Variants in DACH2 observed in about 807,000 individuals in gnomAD.
The protein encoded by DACH2 is dachshund family transcription factor 2, also known as dachshund homolog 2.
A neutral mutation model predicts 35.8 loss-of-function variants in DACH2; 17 were observed. The ratio of observed to expected loss-of-function variants is 0.48; its 90% CI spans 0.33 to 0.71. The LOEUF is 0.71. Among genes scored for constraint, DACH2 ranks in the 30% least tolerant of loss-of-function variants. The pLI is 0.02. For synonymous variants in DACH2, 195 were observed against 177.3 expected (o/e 1.10, Z -0.79); for missense variants, 469 against 472.7 (o/e 0.99, Z 0.07).
chrX:86,680,187 G>T (rs2040865190), intron 4 of DACH2, among the ~76,000 whole-genome samples: 1 of 111,646 alleles, frequency 9.0e-6, no homozygotes, highest in Admixed American at 9.6e-5. Context: ...TTTTGAAATT[G>T]AATATTGAAA....
chrX:86,473,600 C>G (rs1251839319), intron 2 of DACH2, among the ~76,000 whole-genome samples: 4 of 110,782 alleles, frequency 3.6e-5, no homozygotes, highest in African/African-American at 1.3e-4. Flanking sequence ...TTTTAGATCC[C>G]ACAAATAAGT....
At chrX:86,193,746 A>C (rs2031896493) in intron 1 of DACH2, among the ~76,000 whole-genome samples, 1 of 110,731 alleles carries the variant, frequency 9.0e-6, no homozygotes, top group South Asian at 3.7e-4. Context: ...AAAGAACAGT[A>C]ATTGCCCTTA....
chrX:86,720,376 T>C (rs1339241949), intron 6 of DACH2, among the ~76,000 whole-genome samples: 2 of 111,575 alleles, frequency 1.8e-5, no homozygotes, highest in African/African-American at 6.5e-5. Flanking sequence ...TTCCTAAATA[T>C]AATGGGGGAC....
Position 86,816,996 on chromosome X carries a change from A to G in DACH2, c.1750+897A>G, listed in dbSNP as rs1317626279. Among the ~76,000 whole-genome samples the G allele has an allele frequency of 2.7e-5, 3 of 112,080 alleles. No individual in the cohort carries two copies. The Admixed American group carries it at 2.9e-4, about 11-fold the overall frequency. ...TGATGAGTGGATCTTCATAAAGGCAACAGAACTGGATGTGACCAAAATATC... is the reference window on the plus strand; with the variant it reads ...TGATGAGTGGATCTTCATAAAGGCAGCAGAACTGGATGTGACCAAAATATC... On this transcript the variant is annotated intron_variant, in intron 11 of 11. Transcript: ENST00000373125.
intron 5 of DACH2, 130 bp from the exon 6 acceptor site, chrX:86,714,418 G>A: frequency 4.7e-6 from 2 of 426,843 alleles, no homozygotes; most frequent in East Asian, 8.4e-5. Flanking sequence ...ACTATTAATG[G>A]CACAAGGAGA....
chrX:86,540,593 G>A (rs1306245552), intron 3 of DACH2, among the ~76,000 whole-genome samples: 7 of 112,126 alleles, frequency 6.2e-5, no homozygotes, highest in South Asian at 3.6e-4. Flanking sequence ...ACTATTGATC[G>A]GGACATTTAG....
intron 3 of DACH2, among the ~76,000 whole-genome samples, chrX:86,610,920 T>G (rs1039530814): frequency 9.0e-6 from 1 of 111,183 alleles, no homozygotes; most frequent in Admixed American, 9.6e-5. Flanking sequence ...GTAGCTAAGC[T>G]GGTGACTATA....
At chrX:86,262,486 G>T (rs763336776) in intron 1 of DACH2, among the ~76,000 whole-genome samples, 1 of 111,540 alleles carries the variant, frequency 9.0e-6, no homozygotes, top group South Asian at 3.8e-4. Flanking sequence ...TTTCTTGCTG[G>T]ACATAGAGTT....
intron 1 of DACH2, among the ~76,000 whole-genome samples, chrX:86,287,759 A>C (rs2034182703): frequency 8.9e-6 from 1 of 111,946 alleles, no homozygotes; most frequent in Admixed American, 9.5e-5. Flanking sequence ...GTTTTAATTA[A>C]ATTTATCTGA....
At chrX:86,183,080 G>T (rs1180112892) in intron 1 of DACH2, among the ~76,000 whole-genome samples, 1 of 111,816 alleles carries the variant, frequency 8.9e-6, no homozygotes, top group Non-Finnish European at 1.9e-5. Flanking sequence ...ATTTGGGGCT[G>T]AGATGATGGG....
At chrX:86,274,458 TTTTTTTC>T (rs1268852045) in intron 1 of DACH2, among the ~76,000 whole-genome samples, 2 of 36,926 alleles carry the variant, frequency 5.4e-5, no homozygotes, top group Non-Finnish European at 9.5e-5. Context: ...ATCCTTTTTT[TTTTTTTC>T]TTTTTTTTTT....
chrX:86,740,614 A>G (rs956988532), intron 7 of DACH2, among the ~76,000 whole-genome samples: 2 of 102,713 alleles, frequency 1.9e-5, no homozygotes, highest in African/African-American at 3.6e-5. Flanking sequence ...CAGAAGCCTT[A>G]CACCATAGAT....
intron 2 of DACH2, among the ~76,000 whole-genome samples, chrX:86,472,857 G>C (rs1005695639): frequency 8.9e-6 from 1 of 111,800 alleles, no homozygotes; most frequent in Admixed American, 9.5e-5. Context: ...ATTAGCCTTA[G>C]CATTGTTAAC....
At chrX:86,512,865 C>T (rs1246246717) in intron 2 of DACH2, 2 of 327,227 alleles carry the variant, frequency 6.1e-6, no homozygotes, top group Non-Finnish European at 1.2e-5. Flanking sequence ...AGGGCAAAGG[C>T]AAACACGGTA....
rs536758055 is a variant in DACH2, at chrX:86,636,752, A to G, written c.641-14284A>G. ...TTAAATGTAACACCCCAAACTATAA[A>G]AACCCTAGAATACAACCTACGCAAT... is the stretch of plus-strand genomic sequence containing the variant. On this transcript the variant is annotated intron_variant, in intron 3 of 11. Transcript: ENST00000373125. Among the ~76,000 whole-genome samples the G allele has an allele frequency of 9.1e-4, 101 of 111,188 alleles. 3 individuals are homozygous for G. In the South Asian group the frequency reaches 0.036, roughly 40 times the overall value.
Position 86,164,211 on chromosome X carries a change from T to C in DACH2, c.488+15103T>C, listed in dbSNP as rs776159259. ...GTGATATTGAGCTTTTTTCATATGC[T>C]TGTTGGCCACATGTCTGTCTTCTTT... On this transcript the variant is annotated intron_variant, in intron 1 of 11. Coordinates refer to ENST00000373125, the MANE Select transcript of DACH2 (RefSeq NM_053281.3). Among the ~76,000 whole-genome samples the C allele has an allele frequency of 2.3e-4, 26 of 112,083 alleles. 1 individual carries two copies. The highest frequency in any genetic ancestry group is 3.0e-4 in the Non-Finnish European group (16 of 53,134).
At position 86,282,776 on chromosome X, in the gene DACH2, T is replaced by TAAAAGAAGACATTTATGTAGC. The variant is rs1569328392; in HGVS notation, c.489-94048_489-94047insAAAAGAAGACATTTATGTAGC. Among the ~76,000 whole-genome samples, 81 of 44,418 alleles carry TAAAAGAAGACATTTATGTAGC rather than the reference T, an allele frequency of 1.8e-3. 3 individuals are homozygous for TAAAAGAAGACATTTATGTAGC. The highest frequency in any genetic ancestry group is 3.2e-3 in the African/African-American group (20 of 6,155). The allele number at this position is 44,418 out of a possible 115,157, so 38.6% of individuals were successfully genotyped here. On this transcript the variant is annotated intron_variant, in intron 1 of 11. Coordinates refer to ENST00000373125, the MANE Select transcript of DACH2 (RefSeq NM_053281.3). ...GCAAATGCTATGAACAGACACTTCT[T>TAAAAGAAGACATTTATGTAGC]TTTTTTTTTTTTTTTTTTTGAGACG... is the stretch of plus-strand genomic sequence containing the variant.
intron 2 of DACH2, among the ~76,000 whole-genome samples, chrX:86,489,254 A>G (rs1418446790): frequency 9.0e-6 from 1 of 110,661 alleles, no homozygotes; most frequent in African/African-American, 3.3e-5. Flanking sequence ...CTTTGTATCT[A>G]GTAGATACTC....
intron 2 of DACH2, among the ~76,000 whole-genome samples, chrX:86,400,603 G>A (rs1046153359): frequency 5.4e-5 from 6 of 111,926 alleles, no homozygotes; most frequent in African/African-American, 2.0e-4. Flanking sequence ...TAACAGTCAG[G>A]ACCCTCAGCT....
Sources: gnomAD v4.1 joint callset for allele counts (sites outside exome capture counted in the v4.1 genomes callset) on GRCh38, gnomAD v4.1.1 for gene constraint, MANE v1.5 for transcripts, NCBI Gene and HGNC (gene_info 2026-07-23, HGNC 2026-07-21) for gene names.